NEK3: variants seen among roughly 807,000 people sequenced by gnomAD.
NEK3 encodes NIMA related kinase 3.
In NEK3, 54 loss-of-function variants were observed where a neutral mutation model predicts 66.0. That is an observed-to-expected ratio of 0.82 (90% CI 0.66 to 1.03). The LOEUF (loss-of-function observed/expected upper bound fraction) is 1.03, where lower values mean the gene tolerates loss of function less well. Ranked by LOEUF, NEK3 falls within the 50% of genes least tolerant of loss-of-function variation. The pLI, the probability that NEK3 is intolerant of heterozygous loss-of-function variation, is 0.00. For synonymous variants in NEK3, 200 were observed against 206.2 expected (o/e 0.97, Z 0.26); for missense variants, 593 against 603.0 (o/e 0.98, Z 0.17).
chr13:52,135,520 G>A (rs111702793), intron 14 of NEK3, among the ~76,000 whole-genome samples: 1 of 152,150 alleles, frequency 6.6e-6, no homozygotes, highest in Non-Finnish European at 1.5e-5. Context: ...GCGTTTCTGG[G>A]AGGAGGGAAA....
At chr13:52,133,329 A>G (rs892082072) in intron 15 of NEK3, 103 bp from the exon 16 acceptor site, 2 of 984,370 alleles carry the variant, frequency 2.0e-6, no homozygotes, top group African/African-American at 3.2e-5. Flanking sequence ...AAGCTTTTGA[A>G]AATTGAGTTC....
chr13:52,137,073 T>C (rs1337570367), intron 11 of NEK3, among the ~76,000 whole-genome samples, 171 bp from the exon 12 acceptor site: 3 of 152,136 alleles, frequency 2.0e-5, no homozygotes, highest in Non-Finnish European at 4.4e-5. Flanking sequence ...TATATCTATA[T>C]GTATTTAATA....
In NEK3 at chr13:52,153,989, T is replaced by C. The variant is rs1956370128; in HGVS notation, c.215A>G (p.Glu72Gly). 6.2e-7 allele frequency: 1 copy of C among 1,611,970 alleles called. No individual in the cohort carries two copies. The highest frequency in any genetic ancestry group is 1.1e-5 in the South Asian group (1 of 91,024). ...IVAFKESFEA[E>G]GHLYIVMEYC... is the part of the protein sequence containing the mutation. ...TTCCATCACAATATACAAGTGTCCTTCAGCTAAAACAGATATAAGCTCTTT... is the reference window on the plus strand; with the variant it reads ...TTCCATCACAATATACAAGTGTCCTCCAGCTAAAACAGATATAAGCTCTTT... The change falls in exon 4 of 16, where the codon GAA (glutamate) becomes GGA (glycine). Residue 72 changes from glutamate to glycine, a missense_variant. Physicochemically the swap from Glu to Gly is moderately conservative, Grantham distance 98. Transcript: ENST00000610828.
chr13:52,133,358 A>G (rs551133302), intron 15 of NEK3, 132 bp from the exon 16 acceptor site: 1 of 754,038 alleles, frequency 1.3e-6, no homozygotes, highest in East Asian at 2.7e-5. Context: ...AACTGAAGGG[A>G]AAAAATTGCC....
rs1402500508 is a variant in NEK3, at chr13:52,150,719, T to C, written c.548+427A>G. On this transcript the variant is annotated intron_variant, in intron 7 of 15. Coordinates refer to ENST00000610828, the MANE Select transcript of NEK3 (RefSeq NM_002498.3). ...ATGACACAATCTATTCATTCTCAAATGTTGCTGTACATTGGAATCACCCAG... is the reference window on the plus strand; with the variant it reads ...ATGACACAATCTATTCATTCTCAAACGTTGCTGTACATTGGAATCACCCAG... Among the ~76,000 whole-genome samples, 6 of 152,370 alleles carry C rather than the reference T, an allele frequency of 3.9e-5. No individual in the cohort carries two copies. The East Asian group carries it at 5.8e-4, about 15-fold the overall frequency.
At position 52,151,196 on chromosome 13, in the gene NEK3, A is replaced by T. The variant is rs573186041; in HGVS notation, c.498T>A (p.Pro166=). 3 of 1,610,740 alleles carry T rather than the reference A, an allele frequency of 1.9e-6. No individual in the cohort carries two copies. Among genetic ancestry groups the T allele is most frequent in the South Asian group, 2.2e-5 (2 of 90,012 alleles). The part of the protein sequence containing the change: ...MAFACTYVGT[P]YYVPPEIWEN... ...CCCAAATTTCTGGAGGCACATAATAAGGAGTTCCCACATAGGTACAAGCAA... is the reference window on the plus strand; with the variant it reads ...CCCAAATTTCTGGAGGCACATAATATGGAGTTCCCACATAGGTACAAGCAA... Residue 166 remains proline, a synonymous_variant, in exon 7 of 16, where the codon CCT becomes CCA. Coordinates refer to ENST00000610828, the MANE Select transcript of NEK3 (RefSeq NM_002498.3).
intron 11 of NEK3, among the ~76,000 whole-genome samples, chr13:52,140,443 C>A (rs569070477): frequency 1.3e-5 from 2 of 151,942 alleles, no homozygotes; most frequent in Admixed American, 1.3e-4. Flanking sequence ...CCTGTCTCTA[C>A]TAAAAATACA....
At chr13:52,146,502 T>C (rs939174099) in intron 8 of NEK3, among the ~76,000 whole-genome samples, 4 of 152,206 alleles carry the variant, frequency 2.6e-5, no homozygotes, top group African/African-American at 7.2e-5. Context: ...TAGTCCTTAA[T>C]ACTCATTCTT....
At position 52,151,177 on chromosome 13, in the gene NEK3, T is replaced by C. The variant is rs1457240712; in HGVS notation, c.517A>G (p.Ile173Val). Residue 173 changes from isoleucine to valine, a missense_variant, in exon 7 of 16, where the codon ATT becomes GTT. By Grantham distance (29) the Ile-to-Val change is conservative. Transcript: ENST00000610828. ...VGTPYYVPPE[I>V]WENLPYNNKS... is the part of the protein sequence containing the mutation. ...TTGTTATAAGGCAGGTTTTCCCAAA[T>C]TTCTGGAGGCACATAATAAGGAGTT... The C allele has an allele frequency of 6.2e-7, 1 of 1,610,120 alleles. No individual in the cohort carries two copies. The highest frequency in any genetic ancestry group is 1.3e-5 in the African/African-American group (1 of 74,882).
rs749922885 is a variant in NEK3, at chr13:52,144,710, T to C, written c.785A>G (p.Gln262Arg). ...LSRGIVARLV[Q>R]KCLPPEIIME... Reference sequence around the variant, plus strand: ...TCATACCTCGGGGGGTAAGCACTTCTGGACAAGCCGAGCTACGATGCCTCG... The same window carrying C: ...TCATACCTCGGGGGGTAAGCACTTCCGGACAAGCCGAGCTACGATGCCTCG... Residue 262 changes from glutamine (Q) to arginine (R), a missense_variant, in exon 9 of 16, where the codon CAG (glutamine) becomes CGG (arginine). By Grantham distance (43) the Gln-to-Arg change is conservative. Coordinates refer to ENST00000610828, the MANE Select transcript of NEK3 (RefSeq NM_002498.3). The C allele has an allele frequency of 3.7e-6, 6 of 1,613,922 alleles. No homozygotes were observed. Among genetic ancestry groups the C allele is most frequent in the Middle Eastern group, 1.7e-4 (1 of 6,060 alleles).
intron 8 of NEK3, among the ~76,000 whole-genome samples, chr13:52,147,870 C>G (rs1036164559): frequency 6.6e-6 from 1 of 152,106 alleles, no homozygotes; most frequent in African/African-American, 2.4e-5. Context: ...GTGGTATGCA[C>G]CTGTAGTCCC....
intron 2 of NEK3, among the ~76,000 whole-genome samples, chr13:52,154,879 G>T (rs986800563): frequency 4.0e-5 from 6 of 149,824 alleles, no homozygotes; most frequent in Non-Finnish European, 5.9e-5. Context: ...GATCGCTTGA[G>T]CCCAGGAGTT....
intron 8 of NEK3, 183 bp downstream of exon 8, chr13:52,148,232 G>A (rs965633753): frequency 1.7e-5 from 8 of 465,736 alleles, no homozygotes; most frequent in African/African-American, 1.5e-4. Flanking sequence ...ACTGAATAAT[G>A]GAAATTTCCT....
chr13:52,142,024 T>A (rs1956254897), intron 10 of NEK3, among the ~76,000 whole-genome samples: 1 of 151,556 alleles, frequency 6.6e-6, no homozygotes, highest in Non-Finnish European at 1.5e-5. Context: ...GAGGCAGAGG[T>A]TGCAGTGAGT....
intron 2 of NEK3, among the ~76,000 whole-genome samples, chr13:52,154,455 CT>C (rs1335498176): frequency 6.6e-6 from 1 of 151,766 alleles, no homozygotes. Flanking sequence ...TAAGTATCAC[CT>C]GACTTAGAGA....
intron 11 of NEK3, among the ~76,000 whole-genome samples, chr13:52,138,180 C>T (rs1956219788): frequency 6.6e-6 from 1 of 152,048 alleles, no homozygotes; most frequent in African/African-American, 2.4e-5. Context: ...GCCACCATGC[C>T]CACCTAAAAT....
rs1309233893 is a variant in NEK3 at position 52,156,221 on chromosome 13, T to C, written c.-30A>G. The C allele has an allele frequency of 7.6e-7, 1 of 1,320,786 alleles. No individual in the cohort carries two copies. The highest frequency in any genetic ancestry group is 2.4e-5 in the East Asian group (1 of 41,412). The allele number at this position is 1,320,786 out of a possible 1,614,324, so 81.8% of individuals were successfully genotyped here. ...GGGCATCCACACAGCTGGGCTCCACTCACGCAGTCACCATGGGCTCTCCCA... is the reference window on the plus strand; with the variant it reads ...GGGCATCCACACAGCTGGGCTCCACCCACGCAGTCACCATGGGCTCTCCCA... On this transcript the variant is annotated 5_prime_UTR_variant, in exon 2 of 16. It removes the in-frame stop codon of an upstream open reading frame in the 5' UTR. Transcript: ENST00000610828.
rs1055918673 is a variant in NEK3, at chr13:52,133,061, C to T, written c.*81G>A. The T allele has an allele frequency of 1.9e-6, 2 of 1,078,942 alleles. No homozygotes were observed. Among genetic ancestry groups the T allele is most frequent in the East Asian group, 2.6e-5 (1 of 39,102 alleles). The allele number at this position is 1,078,942 out of a possible 1,614,324, so 66.8% of individuals were successfully genotyped here. On this transcript the variant is annotated 3_prime_UTR_variant, in exon 16 of 16. Coordinates refer to ENST00000610828, the MANE Select transcript of NEK3 (RefSeq NM_002498.3). Reference sequence around the variant, plus strand: ...TCTGTTTCCAAAGGAAAATATACGTCGCATGAACTCATGATCATCTCAGCA... The same window carrying T: ...TCTGTTTCCAAAGGAAAATATACGTTGCATGAACTCATGATCATCTCAGCA...
intron 10 of NEK3, among the ~76,000 whole-genome samples, chr13:52,142,479 T>C (rs1013589682): frequency 6.6e-6 from 1 of 152,168 alleles, no homozygotes; most frequent in African/African-American, 2.4e-5. Flanking sequence ...GGTTTCACCA[T>C]GTTCGCCAGG....
Sources: allele counts gnomAD v4.1 joint callset (sites outside exome capture counted in the v4.1 genomes callset), GRCh38; gene constraint gnomAD v4.1.1; transcripts MANE v1.5; gene names NCBI Gene and HGNC (gene_info 2026-07-23, HGNC 2026-07-21).